Variants in PAPPA observed in about 807,000 individuals in gnomAD.
The protein encoded by PAPPA is pappalysin-1.
In PAPPA, 60 loss-of-function variants were observed where a neutral mutation model predicts 164.0. The observed-to-expected ratio is 0.37, with a 90% CI of 0.30 to 0.45. The LOEUF is 0.45. Ranked by LOEUF, PAPPA falls within the 20% of genes least tolerant of loss-of-function variation. The pLI, the probability that PAPPA is intolerant of heterozygous loss-of-function variation, is 1.00. For missense variants in PAPPA, 1,782 were observed against 2,087.3 expected, an observed-to-expected ratio of 0.85 and a Z score of 2.85; for synonymous variants, 875 against 814.1, an observed-to-expected ratio of 1.07 and a Z score of -1.27.
intron 2 of PAPPA, among the ~76,000 whole-genome samples, chr9:116,196,504 G>A (rs943462847): frequency 6.6e-6 from 1 of 152,204 alleles, no homozygotes; most frequent in Non-Finnish European, 1.5e-5. Context: ...ACAGACAGCA[G>A]CACATTTTGT....
chr9:116,362,717 G>A lies in PAPPA; in HGVS notation c.4473G>A (p.Gln1491=), dbSNP rs1228316457. 1 of 1,613,902 alleles carries A rather than the reference G, an allele frequency of 6.2e-7. No homozygotes were observed. Among genetic ancestry groups the A allele is most frequent in the Non-Finnish European group, 8.5e-7 (1 of 1,179,892 alleles). The change falls in exon 18 of 22, where the codon CAG becomes CAA. Residue 1491 remains glutamine (Q), a synonymous_variant. Coordinates refer to ENST00000328252, the MANE Select transcript of PAPPA (RefSeq NM_002581.5). ...AGCTCAACAGCAACCTCAAACTGCA[G>A]TGCCCTGATGGCTATGCCATAGGTA... The part of the protein sequence containing the change: ...PNELNSNLKL[Q]CPDGYAIGSE...
intron 17 of PAPPA, among the ~76,000 whole-genome samples, chr9:116,361,652 T>C (rs1846428281): frequency 6.6e-6 from 1 of 152,208 alleles, no homozygotes; most frequent in African/African-American, 2.4e-5. Context: ...CCAGTTACTC[T>C]TCCTTGTGTA....
At chr9:116,239,484 T>A (rs1844711427) in intron 7 of PAPPA, among the ~76,000 whole-genome samples, 1 of 152,072 alleles carries the variant, frequency 6.6e-6, no homozygotes, top group Non-Finnish European at 1.5e-5. Flanking sequence ...ACATACTTTT[T>A]TGTAGTAAAA....
intron 10 of PAPPA, among the ~76,000 whole-genome samples, chr9:116,308,334 G>A (rs556053313): frequency 4.2e-4 from 64 of 152,228 alleles, no homozygotes; most frequent in African/African-American, 1.4e-3. Flanking sequence ...GAGAGCCAGT[G>A]TGTAAGATAG....
At chr9:116,161,339 C>A (rs942764755) in intron 1 of PAPPA, among the ~76,000 whole-genome samples, 12 of 152,120 alleles carry the variant, frequency 7.9e-5, no homozygotes, top group African/African-American at 2.7e-4. Flanking sequence ...TCTCAGGATG[C>A]AAAAGGAGGG....
intron 7 of PAPPA, among the ~76,000 whole-genome samples, chr9:116,254,894 C>A (rs1258329735): frequency 2.7e-5 from 4 of 150,706 alleles, no homozygotes; most frequent in Non-Finnish European, 5.9e-5. Context: ...TACTTTAATT[C>A]TTTCATATAG....
Position 116,235,213 on chromosome 9 carries a change from A to G in PAPPA, c.2308A>G (p.Thr770Ala). Residue 770 changes from threonine to alanine, a missense_variant, in exon 7 of 22, where the codon ACG becomes GCG. Thr to Ala is a moderately conservative substitution (Grantham distance 58). Transcript: ENST00000328252. ...WSPNSAVNPH[T>A]VPPACPEPQG... ...CCCAAATTCAGCTGTCAACCCACAC[A>G]CGGTTCCTCCAGCCTGCCCTGAGCC... 1 of 1,614,084 alleles carries G rather than the reference A, an allele frequency of 6.2e-7. No homozygotes were observed. Among genetic ancestry groups the G allele is most frequent in the Non-Finnish European group, 8.5e-7 (1 of 1,180,018 alleles).
intron 1 of PAPPA, among the ~76,000 whole-genome samples, chr9:116,181,750 G>A (rs1041414032): frequency 6.6e-6 from 1 of 152,244 alleles, no homozygotes; most frequent in Non-Finnish European, 1.5e-5. Context: ...TCCAGATGTC[G>A]AAGGACAAGC....
In PAPPA at chr9:116,400,823, A is replaced by G. The variant is rs1376987956; in HGVS notation, c.*4207A>G. ...AGAAATTATGTCCCTGTTGTACAGAAGTTAGAATTTTTGACTCCAGGCAGC... is the reference window on the plus strand; with the variant it reads ...AGAAATTATGTCCCTGTTGTACAGAGGTTAGAATTTTTGACTCCAGGCAGC... On this transcript the variant is annotated 3_prime_UTR_variant, in exon 22 of 22. Coordinates refer to ENST00000328252, the MANE Select transcript of PAPPA (RefSeq NM_002581.5). 1 of 152,624 alleles carries G rather than the reference A, an allele frequency of 6.6e-6. No homozygotes were observed. Among genetic ancestry groups the G allele is most frequent in the Non-Finnish European group, 1.5e-5 (1 of 68,046 alleles). The allele number at this position is 152,624 out of a possible 1,614,324, so 9.5% of individuals were successfully genotyped here. A position where few individuals can be genotyped will look rare whatever the true frequency, so the allele number is the denominator to read the frequency against.
At chr9:116,325,529 GA>G (rs1372741697) in intron 10 of PAPPA, among the ~76,000 whole-genome samples, 4 of 152,186 alleles carry the variant, frequency 2.6e-5, no homozygotes, top group Non-Finnish European at 1.5e-5. Flanking sequence ...TATCTCTGCA[GA>G]TAATGGATAG....
chr9:116,181,464 G>A (rs1843904523), intron 1 of PAPPA, among the ~76,000 whole-genome samples: 1 of 152,036 alleles, frequency 6.6e-6, no homozygotes. Flanking sequence ...AAGAACACCA[G>A]TCAAATTGGA....
Position 116,187,752 on chromosome 9 carries a change from T to C in PAPPA, c.1014T>C (p.Ile338=). 6 of 1,614,262 alleles carry C rather than the reference T, an allele frequency of 3.7e-6. No individual in the cohort carries two copies. Among genetic ancestry groups the C allele is most frequent in the Non-Finnish European group, 5.1e-6 (6 of 1,180,044 alleles). ...GQTLCDNTEV[I]ASYNQLSSFR... ...CATTGTGTGACAACACAGAGGTCATTGCCAGCTACAATCAGCTCTCAAGTT... is the reference window on the plus strand; with the variant it reads ...CATTGTGTGACAACACAGAGGTCATCGCCAGCTACAATCAGCTCTCAAGTT... The change falls in exon 2 of 22, where the codon ATT becomes ATC. Residue 338 remains isoleucine (I), a synonymous_variant. Coordinates refer to ENST00000328252, the MANE Select transcript of PAPPA (RefSeq NM_002581.5). The surrounding 1 kb of genome is among the most constrained non-coding windows in gnomAD (Gnocchi z 4.2).
chr9:116,332,304 G>A (rs771516570), intron 11 of PAPPA, 29 bp from the exon 12 acceptor site: 2 of 1,604,040 alleles, frequency 1.2e-6, no homozygotes, highest in Non-Finnish European at 1.7e-6. Context: ...GAGTGCACAT[G>A]TGACCCTCCT....
chr9:116,197,699 T>G (rs1844124430), intron 2 of PAPPA, among the ~76,000 whole-genome samples: 1 of 152,212 alleles, frequency 6.6e-6, no homozygotes, highest in African/African-American at 2.4e-5. Context: ...TTTGGAGAAG[T>G]TACTAGACTT....
At position 116,188,270 on chromosome 9, in the gene PAPPA, C is replaced by A. The variant is rs1008404194; in HGVS notation, c.1478+54C>A. 18 of 1,362,198 alleles carry A rather than the reference C, an allele frequency of 1.3e-5. No homozygotes were observed. In the African/African-American group the frequency reaches 2.3e-4, roughly 17 times the overall value. 84.4% of individuals were successfully genotyped at this position (1,362,198 alleles called of 1,614,324 possible). A position where few individuals can be genotyped will look rare whatever the true frequency, so the allele number is the denominator to read the frequency against. On this transcript the variant is annotated intron_variant, in intron 2 of 21. Transcript: ENST00000328252. The stretch of plus-strand genomic sequence containing the variant: ...AGTTGAAAGTTGAACTTGATGTCCT[C>A]CATATTATAGATAAGGCACCTGAGG...
chr9:116,362,675 G>A lies in PAPPA; in HGVS notation c.4431G>A (p.Gln1477=), dbSNP rs1188309301. The change falls in exon 18 of 22, where the codon CAG becomes CAA. Residue 1477 remains glutamine (Q), a synonymous_variant. Coordinates refer to ENST00000328252, the MANE Select transcript of PAPPA (RefSeq NM_002581.5). ...ATGTCTGCCAGGAGATGCAAGGCCAGTGCTCGGTTCCAAACGAGCTCAACA... is the reference window on the plus strand; with the variant it reads ...ATGTCTGCCAGGAGATGCAAGGCCAATGCTCGGTTCCAAACGAGCTCAACA... ...SFHVCQEMQG[Q]CSVPNELNSN... 2.5e-6 allele frequency: 4 copies of A among 1,614,162 alleles called. No individual in the cohort carries two copies. The highest frequency in any genetic ancestry group is 1.6e-4 in the Middle Eastern group (1 of 6,062).
chr9:116,277,492 T>C (rs935354352), intron 9 of PAPPA, among the ~76,000 whole-genome samples: 1 of 152,128 alleles, frequency 6.6e-6, no homozygotes, highest in Non-Finnish European at 1.5e-5. Flanking sequence ...TCCCTGACAC[T>C]TAGCTTGTGT....
intron 2 of PAPPA, among the ~76,000 whole-genome samples, chr9:116,194,426 A>C (rs1425759150): frequency 6.6e-6 from 1 of 152,246 alleles, no homozygotes; most frequent in East Asian, 1.9e-4. Flanking sequence ...ATCATGTAAA[A>C]GAAATTGCTT....
chr9:116,389,163 A>C, intron 21 of PAPPA, among the ~76,000 whole-genome samples: 1 of 133,578 alleles, frequency 7.5e-6, no homozygotes, highest in Non-Finnish European at 1.5e-5. Context: ...ACAGAGTCTC[A>C]CTCTTGTCAC....
Sources: gnomAD v4.1 joint callset for allele counts (sites outside exome capture counted in the v4.1 genomes callset) on GRCh38, gnomAD v4.1.1 for gene constraint, Gnocchi (gnomAD v3.1) non-coding constraint, MANE v1.5 for transcripts, NCBI Gene and HGNC (gene_info 2026-07-23, HGNC 2026-07-21) for gene names.